UBE2E1: variants seen among roughly 807,000 people sequenced by gnomAD.
UBE2E1 encodes the protein ubiquitin conjugating enzyme E2 E1.
Under a neutral mutation model 21.4 loss-of-function variants are expected in UBE2E1, and 6 were observed. The observed-to-expected ratio is 0.28, with a 90% CI of 0.15 to 0.55. The LOEUF (loss-of-function observed/expected upper bound fraction) is 0.55. Among genes scored for constraint, UBE2E1 ranks in the 20% least tolerant of loss-of-function variants. The pLI is 0.93. For synonymous variants in UBE2E1, 87 were observed against 82.7 expected (o/e 1.05, Z -0.28); for missense variants, 142 against 236.5 (o/e 0.60, Z 2.62).
chr3:23,818,640 CT>C (rs1320301351), intron 3 of UBE2E1, among the ~76,000 whole-genome samples: 7 of 152,160 alleles, frequency 4.6e-5, no homozygotes, highest in Non-Finnish European at 7.3e-5. Flanking sequence ...CATTTTGATG[CT>C]TCCGTGTGTT....
intron 3 of UBE2E1, among the ~76,000 whole-genome samples, chr3:23,820,769 T>C (rs1213260087): frequency 6.6e-6 from 1 of 152,244 alleles, no homozygotes; most frequent in African/African-American, 2.4e-5. Flanking sequence ...GGAGTAGTCT[T>C]AGTAGAGTCT....
chr3:23,888,962 A>G lies in UBE2E1; in HGVS notation c.337-150A>G, dbSNP rs150966826. The G allele has an allele frequency of 7.2e-3, 5,616 of 775,648 alleles. 35 individuals carry two copies. Among genetic ancestry groups the G allele is most frequent in the Middle Eastern group, 0.023 (58 of 2,556 alleles). 48.0% of individuals were successfully genotyped at this position (775,648 alleles called of 1,614,324 possible). On this transcript the variant is annotated intron_variant, in intron 4 of 5. Coordinates refer to ENST00000306627, the MANE Select transcript of UBE2E1 (RefSeq NM_003341.5). ...TGACACAGTCCCTGAGATGGTATCA[A>G]TGAACACTTTCTAATCAAATTTATT...
At chr3:23,858,648 C>G (rs7429240) in intron 3 of UBE2E1, among the ~76,000 whole-genome samples, 1 of 152,088 alleles carries the variant, frequency 6.6e-6, no homozygotes, top group South Asian at 2.1e-4. Context: ...GAAGACAAAC[C>G]TTTATATTGA....
chr3:23,869,536 A>G (rs1250759873), intron 3 of UBE2E1, among the ~76,000 whole-genome samples: 1 of 151,416 alleles, frequency 6.6e-6, no homozygotes, highest in Admixed American at 6.6e-5. Flanking sequence ...TTCAAATACA[A>G]GTAGTTTATT....
intron 3 of UBE2E1, among the ~76,000 whole-genome samples, chr3:23,869,703 CAA>C (rs1418880866): frequency 1.6e-5 from 2 of 122,028 alleles, no homozygotes; most frequent in African/African-American, 6.4e-5. Flanking sequence ...CCAGCCCAGG[CAA>C]TATAGTGAGA....
At position 23,887,850 on chromosome 3, in the gene UBE2E1, T is replaced by G. The variant is rs1016998236; in HGVS notation, c.336+151T>G. ...TTTTAACATATACAAAACACTTCTT[T>G]AGGTTGATTTTGCCTTATCTGGCAG... On this transcript the variant is annotated intron_variant, in intron 4 of 5. Transcript: ENST00000306627. The surrounding 1 kb of genome is among the most constrained non-coding windows in gnomAD (Gnocchi z 4.4). 10 of 1,106,350 alleles carry G rather than the reference T, an allele frequency of 9.0e-6. No individual in the cohort carries two copies. The highest frequency in any genetic ancestry group is 1.2e-5 in the Non-Finnish European group (10 of 806,426). 68.5% of individuals were successfully genotyped at this position (1,106,350 alleles called of 1,614,324 possible). A position where few individuals can be genotyped will look rare whatever the true frequency, so the allele number is the denominator to read the frequency against.
At chr3:23,838,531 GT>G (rs1301669603) in intron 3 of UBE2E1, among the ~76,000 whole-genome samples, 1 of 152,030 alleles carries the variant, frequency 6.6e-6, no homozygotes, top group African/African-American at 2.4e-5. Flanking sequence ...GTCTTACCCT[GT>G]CACCCAGGCC....
chr3:23,881,726 TCTCA>T (rs375836056), intron 3 of UBE2E1, among the ~76,000 whole-genome samples: 1 of 152,228 alleles, frequency 6.6e-6, no homozygotes, highest in Non-Finnish European at 1.5e-5. Flanking sequence ...GGGTTCTTGG[TCTCA>T]CTGACTTCAA....
chr3:23,842,399 C>T lies in UBE2E1; in HGVS notation c.203+30889C>T, dbSNP rs764214359. ...TAGCTGGGATGACAGGCACATGCCA[C>T]GATTCCCAGCTAATTTTTCTATTTT... On this transcript the variant is annotated intron_variant, in intron 3 of 5. Transcript: ENST00000306627. The surrounding 1 kb of genome is among the most constrained non-coding windows in gnomAD (Gnocchi z 4.6). Among the ~76,000 whole-genome samples, 3 of 152,100 alleles carry T rather than the reference C, an allele frequency of 2.0e-5. No individual in the cohort carries two copies. The highest frequency in any genetic ancestry group is 4.4e-5 in the Non-Finnish European group (3 of 68,020).
chr3:23,833,936 T>G (rs1364761202), intron 3 of UBE2E1, among the ~76,000 whole-genome samples: 1 of 152,074 alleles, frequency 6.6e-6, no homozygotes, highest in African/African-American at 2.4e-5. Flanking sequence ...AGGTTGACGC[T>G]GCAGTCAGCC....
At chr3:23,846,456 G>T (rs903485276) in intron 3 of UBE2E1, among the ~76,000 whole-genome samples, 5 of 152,094 alleles carry the variant, frequency 3.3e-5, no homozygotes, top group Admixed American at 1.3e-4. Flanking sequence ...CAGCACTTTG[G>T]GAGGCCGAGG....
rs564658277 is a variant in UBE2E1, at chr3:23,871,496, G to A, written c.204-16071G>A. On this transcript the variant is annotated intron_variant, in intron 3 of 5. Coordinates refer to ENST00000306627, the MANE Select transcript of UBE2E1 (RefSeq NM_003341.5). ...GCGCCCCTCACCTCCCGGACGGGGC[G>A]GCTGGCCTGGCGGGGGCTGACCCCC... Among the ~76,000 whole-genome samples the A allele has an allele frequency of 5.3e-5, 8 of 151,382 alleles. No individual in the cohort carries two copies. The East Asian group carries it at 9.9e-4, about 19-fold the overall frequency.
intron 3 of UBE2E1, among the ~76,000 whole-genome samples, chr3:23,883,472 G>T (rs1473140384): frequency 6.6e-6 from 1 of 152,158 alleles, no homozygotes; most frequent in Non-Finnish European, 1.5e-5. Flanking sequence ...TAGACCAGCA[G>T]ATCCTAACTT....
At position 23,842,239 on chromosome 3, in the gene UBE2E1, GTGTGTGT is replaced by G. The variant is rs1287210982; in HGVS notation, c.203+30730_203+30736del. Among the ~76,000 whole-genome samples the G allele has an allele frequency of 6.4e-4, 46 of 72,360 alleles. No homozygotes were observed. Among genetic ancestry groups the G allele is most frequent in the African/African-American group, 2.1e-3 (38 of 18,092 alleles). 47.5% of individuals were successfully genotyped at this position (72,360 alleles called of 152,430 possible). A position where few individuals can be genotyped will look rare whatever the true frequency, so the allele number is the denominator to read the frequency against. On this transcript the variant is annotated intron_variant, in intron 3 of 5. Transcript: ENST00000306627. This position sits in a 1 kb window ranked among gnomAD's most constrained non-coding sequence, Gnocchi z 4.6. The stretch of plus-strand genomic sequence containing the variant: ...TGTGTGTGTGTGTGTGTGTGTGTGT[GTGTGTGT>G]GTGGTGTTGTTGTTGTTGGCGACAG...
At chr3:23,875,662 T>C (rs1314316913) in intron 3 of UBE2E1, among the ~76,000 whole-genome samples, 3 of 152,248 alleles carry the variant, frequency 2.0e-5, no homozygotes, top group Non-Finnish European at 4.4e-5. Context: ...ATGGCCACAC[T>C]GTTGGAGATC....
At chr3:23,869,201 C>T (rs1482241567) in intron 3 of UBE2E1, among the ~76,000 whole-genome samples, 3 of 152,052 alleles carry the variant, frequency 2.0e-5, no homozygotes, top group Non-Finnish European at 4.4e-5. Flanking sequence ...TAAGATTGTG[C>T]ATCTGTTTAT....
intron 3 of UBE2E1, among the ~76,000 whole-genome samples, chr3:23,872,888 A>T (rs971251111): frequency 5.9e-5 from 9 of 151,942 alleles, no homozygotes; most frequent in African/African-American, 1.9e-4. Context: ...GTGGTGGCGC[A>T]TGCCTGTAGT....
At chr3:23,845,585 CTCTCTGTGTGTG>C (rs1700182198) in intron 3 of UBE2E1, among the ~76,000 whole-genome samples, 1 of 98,002 alleles carries the variant, frequency 1.0e-5, no homozygotes, top group South Asian at 4.2e-4. Context: ...CTCTCTCTCT[CTCTCTGTGTGTG>C]TGTGTGTGTG....
intron 3 of UBE2E1, among the ~76,000 whole-genome samples, chr3:23,813,194 G>C (rs1488718585): frequency 1.3e-5 from 2 of 152,184 alleles, no homozygotes; most frequent in Non-Finnish European, 2.9e-5. Context: ...GGTGATTGGT[G>C]TTACGGAGTC....
Sources: gnomAD v4.1 joint callset for allele counts (sites outside exome capture counted in the v4.1 genomes callset) on GRCh38, gnomAD v4.1.1 for gene constraint, Gnocchi (gnomAD v3.1) non-coding constraint, MANE v1.5 for transcripts, NCBI Gene and HGNC (gene_info 2026-07-23, HGNC 2026-07-21) for gene names.